The following SCD5 variants were observed in gnomAD, a reference collection of about 807,000 sequenced individuals.
SCD5 encodes acyl-CoA-desaturase 4.
A neutral mutation model predicts 30.4 loss-of-function variants in SCD5; 20 were observed. The observed-to-expected ratio is 0.66, with a 90% confidence interval of 0.46 to 0.96. The LOEUF is 0.96. Ranked by LOEUF, SCD5 falls within the 40% of genes least tolerant of loss-of-function variation. The probability of loss-of-function intolerance (pLI) is 0.00; values close to 1 mark genes in which losing one functional copy is unlikely to be tolerated. For missense variants in SCD5, 381 were observed against 443.3 expected, an observed-to-expected ratio of 0.86 and a Z score of 1.26; for synonymous variants, 173 against 176.4, an observed-to-expected ratio of 0.98 and a Z score of 0.16.
intron 1 of SCD5, among the ~76,000 whole-genome samples, chr4:82,796,548 C>G (rs1157790380): frequency 2.0e-5 from 3 of 152,142 alleles, no homozygotes; most frequent in Non-Finnish European, 4.4e-5. Flanking sequence ...CCTTGTGGCT[C>G]CTGGTCCAGT....
At chr4:82,662,055 T>C (rs1728022266) in intron 3 of SCD5, among the ~76,000 whole-genome samples, 1 of 152,078 alleles carries the variant, frequency 6.6e-6, no homozygotes, top group South Asian at 2.1e-4. Context: ...ACAGTGTATG[T>C]TATTTATTTA....
At chr4:82,688,268 G>A (rs1414144283) in intron 2 of SCD5, among the ~76,000 whole-genome samples, 1 of 152,126 alleles carries the variant, frequency 6.6e-6, no homozygotes, top group East Asian at 1.9e-4. Flanking sequence ...TAGAAAATAT[G>A]CGTGTGCATG....
At chr4:82,740,933 CTTTT>C (rs34077562) in intron 1 of SCD5, among the ~76,000 whole-genome samples, 5 of 143,592 alleles carry the variant, frequency 3.5e-5, no homozygotes, top group African/African-American at 1.0e-4. Context: ...TTTCCCAATT[CTTTT>C]TTTTTTTTTT....
At chr4:82,750,341 C>T (rs1721076017) in intron 1 of SCD5, among the ~76,000 whole-genome samples, 1 of 152,172 alleles carries the variant, frequency 6.6e-6, no homozygotes, top group Non-Finnish European at 1.5e-5. Flanking sequence ...GAGGAGCTAC[C>T]TACACCCTGC....
chr4:82,639,478 C>G (rs932014604), intron 3 of SCD5, among the ~76,000 whole-genome samples: 1 of 152,240 alleles, frequency 6.6e-6, no homozygotes, highest in Admixed American at 6.5e-5. Flanking sequence ...AAGGTATTAT[C>G]CTTGCATCAT....
chr4:82,663,176 T>C (rs763240061), intron 3 of SCD5, among the ~76,000 whole-genome samples: 5 of 152,134 alleles, frequency 3.3e-5, no homozygotes, highest in Non-Finnish European at 7.4e-5. Flanking sequence ...CAAAGAGTCA[T>C]AAACCCATCC....
At chr4:82,677,900 C>G (rs1470126340) in intron 3 of SCD5, among the ~76,000 whole-genome samples, 1 of 151,850 alleles carries the variant, frequency 6.6e-6, no homozygotes, top group African/African-American at 2.4e-5. Flanking sequence ...TTGGGGAGAG[C>G]CTGGCTTTCC....
At chr4:82,666,521 A>G (rs1247228178) in intron 3 of SCD5, among the ~76,000 whole-genome samples, 1 of 151,684 alleles carries the variant, frequency 6.6e-6, no homozygotes, top group African/African-American at 2.4e-5. Flanking sequence ...TCTCAAAAAA[A>G]AAAGAAAGAA....
chr4:82,796,835 T>C (rs1341338326), intron 1 of SCD5, among the ~76,000 whole-genome samples: 1 of 152,094 alleles, frequency 6.6e-6, no homozygotes, highest in African/African-American at 2.4e-5. Context: ...CAGCTGAACA[T>C]CATACAGTCT....
intron 1 of SCD5, among the ~76,000 whole-genome samples, chr4:82,754,955 C>T (rs1452106799): frequency 6.6e-6 from 1 of 152,116 alleles, no homozygotes; most frequent in Admixed American, 6.5e-5. Context: ...ACCAAGCCCA[C>T]CATGGACAGA....
chr4:82,707,275 G>T (rs916262581), intron 1 of SCD5, among the ~76,000 whole-genome samples: 21 of 152,342 alleles, frequency 1.4e-4, no homozygotes, highest in African/African-American at 4.6e-4. Context: ...CAAAATGACA[G>T]AATTATAAGC....
In SCD5 at chr4:82,758,687, G is replaced by A. The variant is rs142777156; in HGVS notation, c.232+39619C>T. On this transcript the variant is annotated intron_variant, in intron 1 of 4. Transcript: ENST00000319540. The stretch of plus-strand genomic sequence containing the variant: ...GTCAGCGGGACAGGATTTTGGTGCG[G>A]GTGAGGGACACAGGCTCTGTGAGCA... 7.1e-3 allele frequency among the ~76,000 whole-genome samples: 1,087 copies of A among 152,210 alleles called. 10 individuals are homozygous for A. Among genetic ancestry groups the A allele is most frequent in the African/African-American group, 0.025 (1,042 of 41,512 alleles).
chr4:82,779,498 CAGGGCTCAGCCACCAGGCA>C (rs1418734090), intron 1 of SCD5, among the ~76,000 whole-genome samples: 1 of 152,232 alleles, frequency 6.6e-6, no homozygotes, highest in Admixed American at 6.5e-5. Flanking sequence ...TGAAAGTTGT[CAGGGCTCAGCCACCAGGCA>C]TGCATCAGTG....
At chr4:82,636,434 G>A (rs1161723718) in intron 4 of SCD5, among the ~76,000 whole-genome samples, 157 bp downstream of exon 4, 1 of 144,592 alleles carries the variant, frequency 6.9e-6, no homozygotes, top group African/African-American at 2.6e-5. Flanking sequence ...CTGGCCAACA[G>A]AGTGAGACTC....
At chr4:82,784,863 G>A (rs1287731534) in intron 1 of SCD5, among the ~76,000 whole-genome samples, 2 of 152,208 alleles carry the variant, frequency 1.3e-5, no homozygotes, top group Non-Finnish European at 2.9e-5. Flanking sequence ...TTTAAGCCCT[G>A]CAGCTGGGCC....
chr4:82,757,536 T>C (rs1204793934), intron 1 of SCD5, among the ~76,000 whole-genome samples: 1 of 152,250 alleles, frequency 6.6e-6, no homozygotes, highest in Non-Finnish European at 1.5e-5. Context: ...ACGGGAATTA[T>C]ACTGCCTGAA....
intron 1 of SCD5, among the ~76,000 whole-genome samples, chr4:82,734,767 T>A (rs1720711971): frequency 1.9e-5 from 1 of 52,600 alleles, no homozygotes; most frequent in African/African-American, 1.2e-4. Context: ...TTGAGCTCAA[T>A]TTTTTTTTTT....
In SCD5 at chr4:82,711,319, T is replaced by C. The variant is rs546215827; in HGVS notation, c.233-5906A>G. Among the ~76,000 whole-genome samples, 9 of 149,432 alleles carry C rather than the reference T, an allele frequency of 6.0e-5. No individual in the cohort carries two copies. In the South Asian group the frequency reaches 1.9e-3, roughly 32 times the overall value. ...CATTTGGCAATGTTTTGAGACATTA[T>C]TGGGTGTTGCAACCCAAAACTTGAA... On this transcript the variant is annotated intron_variant, in intron 1 of 4. Transcript: ENST00000319540.
rs1211708494 is a variant in SCD5 at position 82,798,608 on chromosome 4, G to A, written c.-71C>T. 2 of 1,348,948 alleles carry A rather than the reference G, an allele frequency of 1.5e-6. No homozygotes were observed. Among genetic ancestry groups the A allele is most frequent in the Admixed American group, 2.6e-5 (1 of 38,620 alleles). 83.6% of individuals were successfully genotyped at this position (1,348,948 alleles called of 1,614,324 possible). On this transcript the variant is annotated 5_prime_UTR_variant, in exon 1 of 5. Coordinates refer to ENST00000319540, the MANE Select transcript of SCD5 (RefSeq NM_001037582.3). The stretch of plus-strand genomic sequence containing the variant: ...CTCTGCCCGAGCGGAGCTCGAGGGT[G>A]GGGGCGGGGGCTTCTGCCTTTTAGG...
Sources: gnomAD v4.1 joint callset for allele counts (sites outside exome capture counted in the v4.1 genomes callset) on GRCh38, gnomAD v4.1.1 for gene constraint, MANE v1.5 for transcripts, NCBI Gene and HGNC (gene_info 2026-07-23, HGNC 2026-07-21) for gene names.